Variants in AFG2A observed in about 807,000 individuals in gnomAD.
AFG2A encodes ATPase family gene 2 protein homolog A.
chr4:123,143,512 T>C, the AFG2A span, among the ~76,000 whole-genome samples: 1 of 152,120 alleles, frequency 6.6e-6, no homozygotes, highest in East Asian at 1.9e-4. Flanking sequence ...CCATTGTCAG[T>C]AACCCACCTT....
chr4:123,105,636 A>G, the AFG2A span, among the ~76,000 whole-genome samples: 4 of 152,294 alleles, frequency 2.6e-5, no homozygotes, highest in South Asian at 8.3e-4. Flanking sequence ...ACAGGAGTCT[A>G]GAAGAAGTTG....
At chr4:123,007,642 A>AACAC in the AFG2A span, among the ~76,000 whole-genome samples, 2,435 of 25,390 alleles carry the variant, frequency 0.096, 73 homozygotes, top group Non-Finnish European at 0.18. Context: ...ACACACACAC[A>AACAC]ACACACACAC....
chr4:123,047,314 A>G, the AFG2A span, among the ~76,000 whole-genome samples: 1 of 152,170 alleles, frequency 6.6e-6, no homozygotes, highest in Non-Finnish European at 1.5e-5. Context: ...ATAAGAGATC[A>G]TTGTGGTCTT....
At chr4:123,292,448 A>G in the AFG2A span, among the ~76,000 whole-genome samples, 94 of 152,070 alleles carry the variant, frequency 6.2e-4, no homozygotes, top group Non-Finnish European at 1.1e-3. Flanking sequence ...TGTGCTTTTT[A>G]TATTGCAGAA....
chr4:123,225,314 G>A, the AFG2A span, among the ~76,000 whole-genome samples: 1 of 152,078 alleles, frequency 6.6e-6, no homozygotes, highest in Non-Finnish European at 1.5e-5. Context: ...GTGTTGCCTA[G>A]GTTTTCCTCT....
chr4:123,211,880 A>G, the AFG2A span, among the ~76,000 whole-genome samples: 1 of 152,140 alleles, frequency 6.6e-6, no homozygotes, highest in South Asian at 2.1e-4. Context: ...AACAAGCAAG[A>G]AAGTGTAATC....
At chr4:123,061,859 T>C in the AFG2A span, among the ~76,000 whole-genome samples, 1 of 152,202 alleles carries the variant, frequency 6.6e-6, no homozygotes, top group African/African-American at 2.4e-5. Context: ...GCTGAAGTAG[T>C]GTGACCTTCC....
At chr4:123,283,894 G>A in the AFG2A span, among the ~76,000 whole-genome samples, 6 of 152,100 alleles carry the variant, frequency 3.9e-5, no homozygotes, top group East Asian at 7.7e-4. Flanking sequence ...ATAAGTTTGC[G>A]CACCCCTGAT....
chr4:122,939,956 T>G, the AFG2A span, among the ~76,000 whole-genome samples: 1 of 152,230 alleles, frequency 6.6e-6, no homozygotes, highest in African/African-American at 2.4e-5. Context: ...GTAAAGGACA[T>G]GAACTCATCA....
the AFG2A span, among the ~76,000 whole-genome samples, chr4:122,980,286 C>T: frequency 6.6e-6 from 1 of 152,146 alleles, no homozygotes; most frequent in Admixed American, 6.5e-5. Flanking sequence ...ATAATGTTCC[C>T]CAGATTCATC....
chr4:122,999,374 G>A, the AFG2A span, among the ~76,000 whole-genome samples: 1 of 151,932 alleles, frequency 6.6e-6, no homozygotes, highest in African/African-American at 2.4e-5. Flanking sequence ...TAGACATGAA[G>A]TCCTTGCCCA....
the AFG2A span, among the ~76,000 whole-genome samples, chr4:122,955,159 G>T: frequency 6.6e-6 from 1 of 152,228 alleles, no homozygotes; most frequent in African/African-American, 2.4e-5. Flanking sequence ...TACAGGGACA[G>T]TCCAGTGGTG....
the AFG2A span, among the ~76,000 whole-genome samples, chr4:123,039,675 G>A: frequency 2.0e-5 from 3 of 151,492 alleles, no homozygotes; most frequent in Non-Finnish European, 4.4e-5. Context: ...TATACTACAG[G>A]CATTTCTTGC....
the AFG2A span, among the ~76,000 whole-genome samples, chr4:123,053,846 C>T: frequency 3.4e-3 from 512 of 152,216 alleles, 3 homozygotes; most frequent in Middle Eastern, 0.014. Flanking sequence ...CTGCACTGGG[C>T]GGGGCTTAGA....
chr4:122,957,048 GTAGATGATATTT>G, the AFG2A span, among the ~76,000 whole-genome samples: 3 of 152,190 alleles, frequency 2.0e-5, no homozygotes, highest in South Asian at 6.2e-4. Flanking sequence ...GGAGATTGGA[GTAGATGATATTT>G]TAGTGTCATA....
chr4:123,176,508 C>T, the AFG2A span, among the ~76,000 whole-genome samples: 1 of 152,066 alleles, frequency 6.6e-6, no homozygotes, highest in Non-Finnish European at 1.5e-5. Context: ...ATATAAATTA[C>T]AGACATAATA....
the AFG2A span, among the ~76,000 whole-genome samples, chr4:123,153,991 A>T: frequency 6.6e-6 from 1 of 152,334 alleles, no homozygotes; most frequent in Admixed American, 6.5e-5. Flanking sequence ...ATGAAAGTGT[A>T]GTAAAGACAT....
the AFG2A span, among the ~76,000 whole-genome samples, chr4:123,081,605 G>C: frequency 6.6e-6 from 1 of 152,180 alleles, no homozygotes. Context: ...CTGTGTGCAA[G>C]TTTTTTGTGG....
At chr4:123,123,369 A>G in the AFG2A span, among the ~76,000 whole-genome samples, 1 of 152,302 alleles carries the variant, frequency 6.6e-6, no homozygotes, top group South Asian at 2.1e-4. Context: ...TAAGTTAGAC[A>G]TGTAGTCAGT....
Sources: gnomAD v4.1 joint callset for allele counts (sites outside exome capture counted in the v4.1 genomes callset) on GRCh38, gnomAD v4.1.1 for gene constraint, MANE v1.5 for transcripts, NCBI Gene and HGNC (gene_info 2026-07-23, HGNC 2026-07-21) for gene names.